KIAA0586: variants seen among roughly 807,000 people sequenced by gnomAD.
KIAA0586 encodes protein TALPID3.
KIAA0586 carries 144 observed loss-of-function variants against 169.8 expected under a neutral mutation model. That is an observed-to-expected ratio of 0.85 (90% CI 0.74 to 0.97). The LOEUF (loss-of-function observed/expected upper bound fraction) is 0.97. KIAA0586 is among the 50% of genes least tolerant of loss of function. The pLI, the probability that KIAA0586 is intolerant of heterozygous loss-of-function variation, is 0.00. For missense variants in KIAA0586, 1,854 were observed against 1,823.0 expected (o/e 1.02, Z -0.31); for synonymous variants, 625 against 612.4 (o/e 1.02, Z -0.30).
chr14:58,440,271 CT>C, intron 4 of KIAA0586: 1 of 410,940 alleles, frequency 2.4e-6, no homozygotes, highest in Non-Finnish European at 4.8e-6. Flanking sequence ...CTCTGCTCTG[CT>C]TTTCTCTTTT....
intron 28 of KIAA0586, among the ~76,000 whole-genome samples, chr14:58,509,524 A>T (rs1028116679): frequency 6.6e-6 from 1 of 152,164 alleles, no homozygotes; most frequent in East Asian, 1.9e-4. Context: ...TTATTTGTGT[A>T]TTGGCAATTC....
chr14:58,488,492 T>G (rs1407876825), intron 23 of KIAA0586, 129 bp from the exon 24 acceptor site: 2 of 999,472 alleles, frequency 2.0e-6, no homozygotes, highest in Non-Finnish European at 2.9e-6. Flanking sequence ...ATCTTGTTAA[T>G]TATAGTAGTG....
rs772739103 is a variant in KIAA0586 at position 58,453,473 on chromosome 14, G to A, written c.1253G>A (p.Arg418Lys). Residue 418 changes from arginine to lysine, a missense_variant and splice_region_variant, in exon 9 of 31, where the codon AGA becomes AAA. Transcript: ENST00000652326. ...KIGWTPEKTN[R>K]FPSCEELETT... ...GGATGGACTCCTGAGAAAACAAACA[G>A]GTAAAAACAAGAGATTGGAATGAAA... 3.5e-5 allele frequency: 52 copies of A among 1,495,768 alleles called. No homozygotes were observed. The highest frequency in any genetic ancestry group is 4.3e-5 in the African/African-American group (3 of 69,134). 92.7% of individuals were successfully genotyped at this position (1,495,768 alleles called of 1,614,324 possible).
chr14:58,486,064 C>A (rs780110296), intron 21 of KIAA0586, among the ~76,000 whole-genome samples: 2 of 151,990 alleles, frequency 1.3e-5, no homozygotes, highest in African/African-American at 2.4e-5. Context: ...AGTGTAGTAC[C>A]CAAAAGTAGT....
At chr14:58,514,047 A>G (rs895883518) in intron 29 of KIAA0586, among the ~76,000 whole-genome samples, 1 of 152,120 alleles carries the variant, frequency 6.6e-6, no homozygotes, top group Non-Finnish European at 1.5e-5. Context: ...ACTAAAACAA[A>G]TAAATACCAG....
chr14:58,491,028 A>G lies in KIAA0586; in HGVS notation c.3858+788A>G, dbSNP rs1425123920. Among the ~76,000 whole-genome samples, 3 of 152,202 alleles carry G rather than the reference A, an allele frequency of 2.0e-5. No individual in the cohort carries two copies. In the East Asian group the frequency reaches 5.8e-4, roughly 29 times the overall value. On this transcript the variant is annotated intron_variant, in intron 25 of 30. Transcript: ENST00000652326. Reference sequence around the variant, plus strand: ...TTATTGCAAGTAATTGGTTGAGCTAATTGTGAAGAGAGCATAGCAATCACT... The same window carrying G: ...TTATTGCAAGTAATTGGTTGAGCTAGTTGTGAAGAGAGCATAGCAATCACT...
At chr14:58,480,578 A>T (rs1423663500) in intron 20 of KIAA0586, among the ~76,000 whole-genome samples, 1 of 152,092 alleles carries the variant, frequency 6.6e-6, no homozygotes, top group Non-Finnish European at 1.5e-5. Flanking sequence ...CTCCCCTGGC[A>T]TCTCATCTTT....
At chr14:58,500,450 T>C (rs2043480952) in intron 27 of KIAA0586, among the ~76,000 whole-genome samples, 2 of 152,136 alleles carry the variant, frequency 1.3e-5, no homozygotes, top group South Asian at 4.1e-4. Flanking sequence ...CTCACGCCTG[T>C]AATCCAGCAC....
chr14:58,468,057 AT>A, intron 16 of KIAA0586, 135 bp downstream of exon 16: 1 of 600,722 alleles, frequency 1.7e-6, no homozygotes, highest in East Asian at 3.1e-5. Flanking sequence ...ATTTATTTTT[AT>A]TTTTTAGACA....
intron 5 of KIAA0586, among the ~76,000 whole-genome samples, chr14:58,443,376 C>G (rs1199806187): frequency 6.6e-6 from 1 of 152,188 alleles, no homozygotes; most frequent in Non-Finnish European, 1.5e-5. Flanking sequence ...CTGTTTTCTT[C>G]TTTTTAATTT....
At chr14:58,477,823 A>AT (rs2041761821) in intron 20 of KIAA0586, among the ~76,000 whole-genome samples, 1 of 125,012 alleles carries the variant, frequency 8.0e-6, no homozygotes, top group Non-Finnish European at 1.7e-5. Context: ...TCTCTTCCCG[A>AT]TTTTTTCTTT....
At chr14:58,468,973 G>A (rs554422624) in intron 16 of KIAA0586, among the ~76,000 whole-genome samples, 2 of 152,246 alleles carry the variant, frequency 1.3e-5, no homozygotes, top group South Asian at 4.1e-4. Flanking sequence ...TGATCACTGA[G>A]GAGAAGATAA....
chr14:58,505,817 T>C (rs2043899193), intron 27 of KIAA0586, among the ~76,000 whole-genome samples: 1 of 152,054 alleles, frequency 6.6e-6, no homozygotes, highest in Non-Finnish European at 1.5e-5. Flanking sequence ...AGATGTTTTC[T>C]ACTATTTGTA....
At chr14:58,507,016 C>T (rs918712816) in intron 27 of KIAA0586, among the ~76,000 whole-genome samples, 28 of 151,572 alleles carry the variant, frequency 1.8e-4, no homozygotes, top group Non-Finnish European at 1.9e-4. Context: ...AGTGTGGTAG[C>T]GCACACCTGT....
At chr14:58,470,802 T>C in intron 17 of KIAA0586, 79 bp downstream of exon 17, 1 of 680,760 alleles carries the variant, frequency 1.5e-6, no homozygotes. Context: ...TTTAAAGCCT[T>C]TTATCATAAT....
At chr14:58,528,607 C>T (rs1040047416) in intron 29 of KIAA0586, among the ~76,000 whole-genome samples, 9 of 152,094 alleles carry the variant, frequency 5.9e-5, no homozygotes, top group East Asian at 1.9e-4. Flanking sequence ...AGTGACTACT[C>T]GGTAAATAAT....
At chr14:58,440,891 A>C (rs1273132162) in intron 4 of KIAA0586, 1 of 152,904 alleles carries the variant, frequency 6.5e-6, no homozygotes, top group Non-Finnish European at 1.5e-5. Context: ...AATTTCTCTT[A>C]GACAGGGTTA....
chr14:58,441,798 G>A (rs1303520640), intron 4 of KIAA0586: 2 of 151,450 alleles, frequency 1.3e-5, no homozygotes, highest in African/African-American at 2.4e-5. Context: ...CATGCCCAGC[G>A]AATTTTTTGT....
chr14:58,459,267 A>G (rs2040129935), intron 12 of KIAA0586, among the ~76,000 whole-genome samples: 1 of 152,126 alleles, frequency 6.6e-6, no homozygotes, highest in South Asian at 2.1e-4. Flanking sequence ...AAGAATATAT[A>G]TTTCTAATGA....
Sources: allele counts gnomAD v4.1 joint callset (sites outside exome capture counted in the v4.1 genomes callset), GRCh38; gene constraint gnomAD v4.1.1; transcripts MANE v1.5; gene names NCBI Gene and HGNC (gene_info 2026-07-23, HGNC 2026-07-21).